Variants in KSR2 observed in about 807,000 individuals in gnomAD.
KSR2 encodes kinase suppressor of ras 2.
Under a neutral mutation model 107.8 loss-of-function variants are expected in KSR2, and 25 were observed. That is an observed-to-expected ratio of 0.23 (90% CI 0.17 to 0.32). The LOEUF is 0.32. KSR2 is among the 10% of genes least tolerant of loss of function. KSR2 has a pLI of 1.00. For synonymous variants in KSR2, 480 were observed against 507.0 expected (o/e 0.95, Z 0.71); for missense variants, 887 against 1,268.9 (o/e 0.70, Z 4.57).
intron 5 of KSR2, among the ~76,000 whole-genome samples, chr12:117,625,687 G>A (rs35705417): frequency 6.6e-6 from 1 of 152,164 alleles, no homozygotes; most frequent in Non-Finnish European, 1.5e-5. Context: ...GTCTCTGCCA[G>A]GCTTTGGTAT....
At chr12:117,602,364 T>C (rs73407383) in intron 5 of KSR2, among the ~76,000 whole-genome samples, 8,551 of 152,252 alleles carry the variant, frequency 0.056, 496 homozygotes, top group East Asian at 0.16. Flanking sequence ...GGAGACCCTG[T>C]ACCCACTAAG....
At chr12:117,476,691 G>T in intron 16 of KSR2, 96 bp from the exon 17 acceptor site, 1 of 1,311,940 alleles carries the variant, frequency 7.6e-7, no homozygotes, top group Non-Finnish European at 1.0e-6. Context: ...CATCTCTGCT[G>T]CCCTTCTCGC....
Position 117,467,214 on chromosome 12 carries a change from G to C in KSR2, c.2847-9C>G. On this transcript the variant is annotated splice_polypyrimidine_tract_variant and intron_variant, in intron 19 of 19. Transcript: ENST00000339824. ...TGTCCAAAGGTCACAGCCTGGAGTG[G>C]GGAGAGAAGGGAGAGAGTGGTGAGA... 1.4e-6 allele frequency: 1 copy of C among 732,558 alleles called. No homozygotes were observed. The highest frequency in any genetic ancestry group is 2.5e-6 in the Non-Finnish European group (1 of 397,712). The allele number at this position is 732,558 out of a possible 1,614,324, so 45.4% of individuals were successfully genotyped here.
intron 14 of KSR2, among the ~76,000 whole-genome samples, chr12:117,498,340 T>C (rs1873169740): frequency 6.6e-6 from 1 of 152,116 alleles, no homozygotes; most frequent in South Asian, 2.1e-4. Context: ...ATGTTAATCC[T>C]TATCATGCAT....
chr12:117,911,017 C>G (rs139493924), intron 1 of KSR2, among the ~76,000 whole-genome samples: 1 of 152,200 alleles, frequency 6.6e-6, no homozygotes, highest in African/African-American at 2.4e-5. Flanking sequence ...AACTTCCACA[C>G]ATAAGTCATG....
At chr12:117,699,357 A>C (rs1886207095) in intron 4 of KSR2, among the ~76,000 whole-genome samples, 2 of 152,226 alleles carry the variant, frequency 1.3e-5, no homozygotes, top group Non-Finnish European at 2.9e-5. Flanking sequence ...TAAAGTACTC[A>C]TGCGTCACTT....
intron 5 of KSR2, among the ~76,000 whole-genome samples, chr12:117,656,088 G>A (rs1318292169): frequency 2.0e-5 from 3 of 152,178 alleles, no homozygotes; most frequent in Admixed American, 2.0e-4. Context: ...CTATGACCAC[G>A]TGACCAGCTG....
chr12:117,673,657 C>T (rs972574918), intron 4 of KSR2, among the ~76,000 whole-genome samples: 8 of 152,172 alleles, frequency 5.3e-5, no homozygotes, highest in Admixed American at 5.2e-4. Flanking sequence ...ACCTTTCCAT[C>T]CACCCTCATT....
At chr12:117,868,254 C>G (rs1000344086) in intron 1 of KSR2, among the ~76,000 whole-genome samples, 1 of 151,874 alleles carries the variant, frequency 6.6e-6, no homozygotes, top group African/African-American at 2.4e-5. Flanking sequence ...ATAGTGAAAC[C>G]CTGTCTCTAC....
At chr12:117,600,906 C>T (rs1475477055) in intron 5 of KSR2, among the ~76,000 whole-genome samples, 1 of 152,118 alleles carries the variant, frequency 6.6e-6, no homozygotes. Context: ...GCTGGGGACT[C>T]CTATGTTCCG....
intron 5 of KSR2, among the ~76,000 whole-genome samples, chr12:117,634,032 C>T (rs1350863588): frequency 2.0e-5 from 3 of 152,326 alleles, no homozygotes; most frequent in Non-Finnish European, 2.9e-5. Context: ...GGCAATCAGT[C>T]CATAAAGGCG....
At chr12:117,884,342 C>T (rs1566066472) in intron 1 of KSR2, among the ~76,000 whole-genome samples, 1 of 152,170 alleles carries the variant, frequency 6.6e-6, no homozygotes, top group African/African-American at 2.4e-5. Flanking sequence ...TGAGACCTTG[C>T]CAGCTCTCAG....
intron 1 of KSR2, among the ~76,000 whole-genome samples, chr12:117,904,014 A>C (rs1327115985): frequency 3.3e-5 from 5 of 152,118 alleles, no homozygotes; most frequent in African/African-American, 1.2e-4. Context: ...TCAATCAATC[A>C]ATCAATCTTT....
chr12:117,505,096 T>G (rs1873597542), intron 14 of KSR2, among the ~76,000 whole-genome samples: 1 of 152,240 alleles, frequency 6.6e-6, no homozygotes. Flanking sequence ...TTCATTTTTA[T>G]GGACGAGTAG....
chr12:117,955,528 C>T (rs1487724501), intron 1 of KSR2, among the ~76,000 whole-genome samples: 1 of 152,142 alleles, frequency 6.6e-6, no homozygotes, highest in Non-Finnish European at 1.5e-5. Context: ...AATCTCACCT[C>T]AGAGCTCAAG....
intron 3 of KSR2, among the ~76,000 whole-genome samples, chr12:117,790,187 A>G (rs534761862): frequency 1.3e-5 from 2 of 152,292 alleles, no homozygotes; most frequent in African/African-American, 4.8e-5. Context: ...AAGGTTAAGG[A>G]CGTGCCTGTG....
intron 14 of KSR2, among the ~76,000 whole-genome samples, chr12:117,519,915 G>A (rs1261816667): frequency 1.3e-5 from 2 of 152,112 alleles, no homozygotes; most frequent in African/African-American, 4.8e-5. Flanking sequence ...TAGGCCAGTG[G>A]TTCTTAAACT....
intron 14 of KSR2, among the ~76,000 whole-genome samples, chr12:117,485,966 C>T (rs1872440308): frequency 3.3e-5 from 5 of 152,128 alleles, no homozygotes. Flanking sequence ...TTGCCATGTC[C>T]AATCCATCCC....
At chr12:117,852,428 C>CA (rs1293861713) in intron 3 of KSR2, among the ~76,000 whole-genome samples, 2 of 151,484 alleles carry the variant, frequency 1.3e-5, no homozygotes, top group African/African-American at 2.4e-5. Flanking sequence ...GACTCTGTCT[C>CA]AAAATAAATA....
Sources: gnomAD v4.1 joint callset for allele counts (sites outside exome capture counted in the v4.1 genomes callset) on GRCh38, gnomAD v4.1.1 for gene constraint, MANE v1.5 for transcripts, NCBI Gene and HGNC (gene_info 2026-07-23, HGNC 2026-07-21) for gene names.